The following SYT5 variants were observed in gnomAD, a reference collection of about 807,000 sequenced individuals.
SYT5 encodes the protein synaptotagmin-5.
Under a neutral mutation model 36.0 loss-of-function variants are expected in SYT5, and 29 were observed. The observed-to-expected ratio is 0.81, with a 90% CI of 0.60 to 1.10. The LOEUF is 1.10. Ranked by LOEUF, SYT5 falls within the 50% of genes least tolerant of loss-of-function variation. The pLI is 0.00. For missense variants in SYT5, 512 were observed against 516.0 expected, an observed-to-expected ratio of 0.99 and a Z score of 0.08; for synonymous variants, 231 against 227.6, an observed-to-expected ratio of 1.02 and a Z score of -0.14.
rs1374066139 is a variant in SYT5 at position 55,178,514 on chromosome 19, TA to T, written c.80-147del. The T allele has an allele frequency of 7.8e-6, 8 of 1,020,716 alleles. No individual in the cohort carries two copies. In the Admixed American group the frequency reaches 2.2e-4, roughly 28 times the overall value. The allele number at this position is 1,020,716 out of a possible 1,614,324, so 63.2% of individuals were successfully genotyped here. ...TTTCTTCCTGTGTTTTTCTTCCACC[TA>T]ATGTGGCCTATAGAGAGATTCGATG... On this transcript the variant is annotated intron_variant, in intron 2 of 8. Transcript: ENST00000354308.
rs1568881580 is a variant in SYT5, at chr19:55,180,277, T to TGTGTGC, written c.-212_-207dup. The TGTGTGC allele has an allele frequency of 6.6e-6, 1 of 151,986 alleles. No individual in the cohort carries two copies. The highest frequency in any genetic ancestry group is 2.1e-4 in the South Asian group (1 of 4,796). 9.4% of individuals were successfully genotyped at this position (151,986 alleles called of 1,614,324 possible). A position where few individuals can be genotyped will look rare whatever the true frequency, so the allele number is the denominator to read the frequency against. On this transcript the variant is annotated 5_prime_UTR_variant, in exon 1 of 9. Transcript: ENST00000354308. ...AGCGGAGCAGGATCCCGTGCGCGCG[T>TGTGTGC]GTGTGCCCGTGTGCGTGTGCGCGCG...
chr19:55,178,244 C>T lies in SYT5; in HGVS notation c.204G>A (p.Gln68=), dbSNP rs2086099327. ...RTGKKSQAQA[Q]VHLQEVKGLG... ...GCCCCTTCACTTCCTGAAGGTGGACCTGGGCTTGGGCCTGGCTCTTCTTGC... is the reference window on the plus strand; with the variant it reads ...GCCCCTTCACTTCCTGAAGGTGGACTTGGGCTTGGGCCTGGCTCTTCTTGC... Residue 68 remains glutamine (Q), a synonymous_variant, in exon 3 of 9, where the codon CAG becomes CAA. Coordinates refer to ENST00000354308, the MANE Select transcript of SYT5 (RefSeq NM_003180.3). 1 of 1,609,934 alleles carries T rather than the reference C, an allele frequency of 6.2e-7. No homozygotes were observed. The highest frequency in any genetic ancestry group is 8.5e-7 in the Non-Finnish European group (1 of 1,178,314).
At position 55,173,646 on chromosome 19, in the gene SYT5, C is replaced by A; in HGVS notation, c.999G>T (p.Lys333Asn). The change falls in exon 9 of 9, where the codon AAG becomes AAT. Residue 333 changes from lysine (K) to asparagine (N), a missense_variant. Lys to Asn is a moderately conservative substitution (Grantham distance 94, BLOSUM62 0). Coordinates refer to ENST00000354308, the MANE Select transcript of SYT5 (RefSeq NM_003180.3). This position sits in a 1 kb window ranked among gnomAD's most constrained non-coding sequence, Gnocchi z 5.4. Reference sequence around the variant, plus strand: ...TCCCGATGGCCTCGTTCTTGCCCAGCTTGTCGTAGTCCAGCACGGTCAGCT... The same window carrying A: ...TCCCGATGGCCTCGTTCTTGCCCAGATTGTCGTAGTCCAGCACGGTCAGCT... ...QVELTVLDYD[K>N]LGKNEAIGRV... The A allele has an allele frequency of 6.7e-7, 1 of 1,485,640 alleles. No homozygotes were observed. Among genetic ancestry groups the A allele is most frequent in the Non-Finnish European group, 8.9e-7 (1 of 1,119,162 alleles). 92.0% of individuals were successfully genotyped at this position (1,485,640 alleles called of 1,614,324 possible).
Position 55,179,118 on chromosome 19 carries a change from T to A in SYT5, c.-45-32A>T. The stretch of plus-strand genomic sequence containing the variant: ...CCCCATTCCCACCCCAGACGTCCTT[T>A]GAGCCCCACGCACAACAAAGAACTC... On this transcript the variant is annotated intron_variant, in intron 1 of 8. Transcript: ENST00000354308. The surrounding 1 kb of genome is among the most constrained non-coding windows in gnomAD (Gnocchi z 4.5). 6.5e-7 allele frequency: 1 copy of A among 1,546,214 alleles called. No individual in the cohort carries two copies. Among genetic ancestry groups the A allele is most frequent in the Non-Finnish European group, 8.7e-7 (1 of 1,148,396 alleles).
chr19:55,174,541 G>A lies in SYT5; in HGVS notation c.936C>T (p.Phe312=), dbSNP rs763826284. The A allele has an allele frequency of 6.8e-6, 11 of 1,614,104 alleles. No individual in the cohort carries two copies. The highest frequency in any genetic ancestry group is 9.3e-6 in the Non-Finnish European group (11 of 1,179,978). Reference sequence around the variant, plus strand: ...CCTGGACTTGGTCACAGGGCACCTCGAAGCTGAAAGCTTCGTTGTAATAGG... The same window carrying A: ...CCTGGACTTGGTCACAGGGCACCTCAAAGCTGAAAGCTTCGTTGTAATAGG... The part of the protein sequence containing the change: ...LNPYYNEAFS[F]EVPCDQVQKV... The change falls in exon 8 of 9, where the codon TTC becomes TTT. Residue 312 remains phenylalanine, a synonymous_variant. Transcript: ENST00000354308.
chr19:55,173,728 A>C lies in SYT5; in HGVS notation c.961-44T>G. 7.6e-7 allele frequency: 1 copy of C among 1,309,762 alleles called. No individual in the cohort carries two copies. The allele number at this position is 1,309,762 out of a possible 1,614,324, so 81.1% of individuals were successfully genotyped here. A position where few individuals can be genotyped will look rare whatever the true frequency, so the allele number is the denominator to read the frequency against. On this transcript the variant is annotated intron_variant, in intron 8 of 8. Coordinates refer to ENST00000354308, the MANE Select transcript of SYT5 (RefSeq NM_003180.3). This position sits in a 1 kb window ranked among gnomAD's most constrained non-coding sequence, Gnocchi z 5.4. ...GAAGAGGAGAGAGGAGCGTGAGGGG[A>C]GGAGGCCCCGGAAGGGGCGGTGTCC...
rs1036041120 is a variant in SYT5, at chr19:55,172,494, CAGAA to C, written c.*986_*989del. 2 of 149,238 alleles carry C rather than the reference CAGAA, an allele frequency of 1.3e-5. No homozygotes were observed. The highest frequency in any genetic ancestry group is 2.1e-4 in the South Asian group (1 of 4,718). The allele number at this position is 149,238 out of a possible 1,614,324, so 9.2% of individuals were successfully genotyped here. On this transcript the variant is annotated 3_prime_UTR_variant, in exon 9 of 9. Transcript: ENST00000354308. ...AGAGAAAAAGAAAGAAAAGGAAAGA[CAGAA>C]AGAAAACAAAAAGGAAAAAAGAAAA...
Position 55,173,724 on chromosome 19 carries a change from G to T in SYT5, c.961-40C>A. On this transcript the variant is annotated intron_variant, in intron 8 of 8. Coordinates refer to ENST00000354308, the MANE Select transcript of SYT5 (RefSeq NM_003180.3). The surrounding 1 kb of genome is among the most constrained non-coding windows in gnomAD (Gnocchi z 5.4). ...GGAGGAAGAGGAGAGAGGAGCGTGA[G>T]GGGAGGAGGCCCCGGAAGGGGCGGT... 1 of 1,321,694 alleles carries T rather than the reference G, an allele frequency of 7.6e-7. No homozygotes were observed. The highest frequency in any genetic ancestry group is 1.5e-5 in the African/African-American group (1 of 64,956). 81.9% of individuals were successfully genotyped at this position (1,321,694 alleles called of 1,614,324 possible).
Position 55,173,776 on chromosome 19 carries a change from C to T in SYT5, c.961-92G>A, listed in dbSNP as rs2086033129. 2 of 1,260,842 alleles carry T rather than the reference C, an allele frequency of 1.6e-6. No individual in the cohort carries two copies. The highest frequency in any genetic ancestry group is 1.6e-5 in the African/African-American group (1 of 64,204). 78.1% of individuals were successfully genotyped at this position (1,260,842 alleles called of 1,614,324 possible). Reference sequence around the variant, plus strand: ...TCCGTTTTCACGGCTGAGGGTACCTCTCGCTGCCACCCGAGGGCTCGGGGC... The same window carrying T: ...TCCGTTTTCACGGCTGAGGGTACCTTTCGCTGCCACCCGAGGGCTCGGGGC... On this transcript the variant is annotated intron_variant, in intron 8 of 8. Coordinates refer to ENST00000354308, the MANE Select transcript of SYT5 (RefSeq NM_003180.3). The surrounding 1 kb of genome is among the most constrained non-coding windows in gnomAD (Gnocchi z 5.4).
Position 55,175,584 on chromosome 19 carries a change from C to T in SYT5, c.540+125G>A, listed in dbSNP as rs1299163548. On this transcript the variant is annotated intron_variant, in intron 5 of 8. Coordinates refer to ENST00000354308, the MANE Select transcript of SYT5 (RefSeq NM_003180.3). This position sits in a 1 kb window ranked among gnomAD's most constrained non-coding sequence, Gnocchi z 4.5. ...TAGTGCCCAGGGTCCAGTGGAATAG[C>T]CCCAGAGCTGGTAGCTGCCACCTGA... 4.5e-6 allele frequency: 6 copies of T among 1,334,460 alleles called. No individual in the cohort carries two copies. The highest frequency in any genetic ancestry group is 6.2e-6 in the Non-Finnish European group (6 of 960,948). 82.7% of individuals were successfully genotyped at this position (1,334,460 alleles called of 1,614,324 possible). A position where few individuals can be genotyped will look rare whatever the true frequency, so the allele number is the denominator to read the frequency against.
intron 7 of SYT5, 81 bp downstream of exon 7, chr19:55,174,801 C>A (rs901605234): frequency 6.4e-7 from 1 of 1,573,534 alleles, no homozygotes; most frequent in Admixed American, 1.7e-5. Flanking sequence ...CCCGAAGAAA[C>A]CCTCGAGGCT....
chr19:55,178,911 TC>T, intron 2 of SYT5, 51 bp downstream of exon 2: 1 of 1,408,672 alleles, frequency 7.1e-7, no homozygotes, highest in East Asian at 2.7e-5. Flanking sequence ...CCCCTCGGAA[TC>T]CTGGCCAGGC....
chr19:55,173,607 C>T lies in SYT5; in HGVS notation c.1038G>A (p.Gly346=). 6.7e-7 allele frequency: 1 copy of T among 1,486,538 alleles called. No individual in the cohort carries two copies. 92.1% of individuals were successfully genotyped at this position (1,486,538 alleles called of 1,614,324 possible). ...KNEAIGRVAV[G]AAAGGAGLRH... ...GCAGGCCAGCCCCGCCGGCGGCCGC[C>T]CCCACGGCCACCCTCCCGATGGCCT... Residue 346 remains glycine, a synonymous_variant, in exon 9 of 9, where the codon GGG becomes GGA. Coordinates refer to ENST00000354308, the MANE Select transcript of SYT5 (RefSeq NM_003180.3). This position sits in a 1 kb window ranked among gnomAD's most constrained non-coding sequence, Gnocchi z 5.4.
chr19:55,175,060 A>G lies in SYT5; in HGVS notation c.709-61T>C, dbSNP rs1476279848. 1.2e-6 allele frequency: 2 copies of G among 1,601,166 alleles called. No individual in the cohort carries two copies. The highest frequency in any genetic ancestry group is 1.7e-6 in the Non-Finnish European group (2 of 1,175,164). ...TCCACATCCATGCCTCCTCAGGGGT[A>G]CAATCCACGCCGCCCTGAGGGTCTG... On this transcript the variant is annotated intron_variant, in intron 6 of 8. Transcript: ENST00000354308. This position sits in a 1 kb window ranked among gnomAD's most constrained non-coding sequence, Gnocchi z 4.5.
In SYT5 at chr19:55,175,951, G is replaced by A; in HGVS notation, c.372+54C>T. 2 of 1,613,546 alleles carry A rather than the reference G, an allele frequency of 1.2e-6. No homozygotes were observed. Among genetic ancestry groups the A allele is most frequent in the South Asian group, 1.1e-5 (1 of 91,056 alleles). On this transcript the variant is annotated intron_variant, in intron 4 of 8. Coordinates refer to ENST00000354308, the MANE Select transcript of SYT5 (RefSeq NM_003180.3). The surrounding 1 kb of genome is among the most constrained non-coding windows in gnomAD (Gnocchi z 4.5). Reference sequence around the variant, plus strand: ...TCCCTTCCATGGCTCCTTTCAGAAGGGGTTGGAACCCCCGGGATCCTCCCT... The same window carrying A: ...TCCCTTCCATGGCTCCTTTCAGAAGAGGTTGGAACCCCCGGGATCCTCCCT...
Position 55,175,152 on chromosome 19 carries a change from G to C in SYT5, c.708+20C>G, listed in dbSNP as rs1034351153. 8 of 1,580,616 alleles carry C rather than the reference G, an allele frequency of 5.1e-6. No individual in the cohort carries two copies. Among genetic ancestry groups the C allele is most frequent in the Admixed American group, 3.7e-5 (2 of 54,644 alleles). On this transcript the variant is annotated intron_variant, in intron 6 of 8. Transcript: ENST00000354308. The surrounding 1 kb of genome is among the most constrained non-coding windows in gnomAD (Gnocchi z 4.5). ...ACTGGGCCTGGGGGCGTGGCTCGGG[G>C]CGCGACCGCGCATGCTCACCTCCTC...
chr19:55,173,664 G>T lies in SYT5; in HGVS notation c.981C>A (p.Thr327=). 1 of 1,451,516 alleles carries T rather than the reference G, an allele frequency of 6.9e-7. No homozygotes were observed. Among genetic ancestry groups the T allele is most frequent in the Middle Eastern group, 2.2e-4 (1 of 4,634 alleles). 89.9% of individuals were successfully genotyped at this position (1,451,516 alleles called of 1,614,324 possible). A position where few individuals can be genotyped will look rare whatever the true frequency, so the allele number is the denominator to read the frequency against. ...DQVQKVQVEL[T]VLDYDKLGKN... is the part of the protein sequence containing the mutation. ...TGCCCAGCTTGTCGTAGTCCAGCACGGTCAGCTCCACCTGCACCTTCTGGG... is the reference window on the plus strand; with the variant it reads ...TGCCCAGCTTGTCGTAGTCCAGCACTGTCAGCTCCACCTGCACCTTCTGGG... Residue 327 remains threonine (T), a synonymous_variant, in exon 9 of 9, where the codon ACC becomes ACA. Coordinates refer to ENST00000354308, the MANE Select transcript of SYT5 (RefSeq NM_003180.3). This position sits in a 1 kb window ranked among gnomAD's most constrained non-coding sequence, Gnocchi z 5.4.
intron 3 of SYT5, 125 bp from the exon 4 acceptor site, chr19:55,176,249 T>G: frequency 7.4e-7 from 1 of 1,345,026 alleles, no homozygotes; most frequent in Non-Finnish European, 1.0e-6. Flanking sequence ...GCTAAGCAGA[T>G]TCAGTATTTG....
Position 55,179,537 on chromosome 19 carries a change from C to A in SYT5, c.-45-451G>T, listed in dbSNP as rs2086124462. On this transcript the variant is annotated intron_variant, in intron 1 of 8. Coordinates refer to ENST00000354308, the MANE Select transcript of SYT5 (RefSeq NM_003180.3). The surrounding 1 kb of genome is among the most constrained non-coding windows in gnomAD (Gnocchi z 4.5). ...GGGGCAGGCTCGCTCCGGGGCCCACCGGTGCCTGGGAACCCCCCAATAGCC... is the reference window on the plus strand; with the variant it reads ...GGGGCAGGCTCGCTCCGGGGCCCACAGGTGCCTGGGAACCCCCCAATAGCC... 4.3e-6 allele frequency: 1 copy of A among 233,574 alleles called. No homozygotes were observed. Among genetic ancestry groups the A allele is most frequent in the Non-Finnish European group, 8.3e-6 (1 of 120,990 alleles). 14.5% of individuals were successfully genotyped at this position (233,574 alleles called of 1,614,324 possible).
Sources: gnomAD v4.1 joint callset for allele counts on GRCh38, gnomAD v4.1.1 for gene constraint, Gnocchi (gnomAD v3.1) non-coding constraint, MANE v1.5 for transcripts, NCBI Gene and HGNC (gene_info 2026-07-23, HGNC 2026-07-21) for gene names.